LINGO2: variants seen among roughly 807,000 people sequenced by gnomAD.
LINGO2 encodes leucine-rich repeat and immunoglobulin-like domain-containing nogo receptor-interacting protein 2.
In LINGO2, 14 loss-of-function variants were observed where a neutral mutation model predicts 30.6. The ratio of observed to expected loss-of-function variants is 0.46; its 90% CI spans 0.30 to 0.72. The LOEUF (loss-of-function observed/expected upper bound fraction) is 0.72, where lower values mean the gene tolerates loss of function less well. LINGO2 is among the 30% of genes least tolerant of loss of function. The pLI is 0.07. For synonymous variants in LINGO2, 317 were observed against 288.5 expected (o/e 1.10, Z -1.00); for missense variants, 729 against 751.7 (o/e 0.97, Z 0.35).
intron 1 of LINGO2, among the ~76,000 whole-genome samples, chr9:28,565,132 T>G (rs114653127): frequency 6.6e-6 from 1 of 152,126 alleles, no homozygotes; most frequent in Non-Finnish European, 1.5e-5. Context: ...CTTCTGAAAT[T>G]TTTTTGAGTT....
chr9:28,909,811 T>C, the LINGO2 span, among the ~76,000 whole-genome samples: 1 of 152,038 alleles, frequency 6.6e-6, no homozygotes, highest in Non-Finnish European at 1.5e-5. Context: ...TTCAGGAAAG[T>C]AAGACATATA....
chr9:29,133,232 A>G, the LINGO2 span, among the ~76,000 whole-genome samples: 2 of 152,174 alleles, frequency 1.3e-5, no homozygotes, highest in East Asian at 1.9e-4. Flanking sequence ...ATGTTTAGGC[A>G]TAATAAGAAT....
Position 28,378,937 on chromosome 9 carries a change from C to T in LINGO2, c.-278-6069G>A, listed in dbSNP as rs973734409. ...TCCTATAGCTGAGTGACTGTCAGTACACAGTACATTACATTTAACATCACA... is the reference window on the plus strand; with the variant it reads ...TCCTATAGCTGAGTGACTGTCAGTATACAGTACATTACATTTAACATCACA... On this transcript the variant is annotated intron_variant, in intron 2 of 5. Coordinates refer to ENST00000379992, the Ensembl canonical transcript of LINGO2. Among the ~76,000 whole-genome samples, 10 of 152,172 alleles carry T rather than the reference C, an allele frequency of 6.6e-5. No homozygotes were observed. The East Asian group carries it at 1.9e-3, about 30-fold the overall frequency.
the LINGO2 span, among the ~76,000 whole-genome samples, chr9:28,928,218 A>C: frequency 6.6e-6 from 1 of 152,246 alleles, no homozygotes; most frequent in Middle Eastern, 3.4e-3. Flanking sequence ...TTATATCAAA[A>C]CCCTTTTATA....
chr9:29,050,138 GC>G, the LINGO2 span, among the ~76,000 whole-genome samples: 1 of 151,798 alleles, frequency 6.6e-6, no homozygotes, highest in Non-Finnish European at 1.5e-5. Context: ...CAATTCTCCC[GC>G]CTCAGCCTCA....
intron 1 of LINGO2, among the ~76,000 whole-genome samples, chr9:28,484,290 G>T (rs1369101329): frequency 6.6e-6 from 1 of 152,000 alleles, no homozygotes; most frequent in Non-Finnish European, 1.5e-5. Flanking sequence ...GGTTCTCTTA[G>T]CACCAAGAAT....
the LINGO2 span, among the ~76,000 whole-genome samples, chr9:29,141,375 G>A: frequency 2.0e-5 from 3 of 151,640 alleles, no homozygotes; most frequent in South Asian, 2.1e-4. Flanking sequence ...GATGTTTTAC[G>A]AAGCCTAATG....
the LINGO2 span, among the ~76,000 whole-genome samples, chr9:29,111,158 T>A: frequency 6.6e-6 from 1 of 152,190 alleles, no homozygotes; most frequent in African/African-American, 2.4e-5. Context: ...ATACATTTTT[T>A]AAATAAAATT....
chr9:28,064,914 G>A (rs755096326), intron 4 of LINGO2, among the ~76,000 whole-genome samples: 2 of 151,586 alleles, frequency 1.3e-5, no homozygotes, highest in Non-Finnish European at 2.9e-5. Flanking sequence ...AGAACATCTT[G>A]AAAACACAGG....
chr9:28,967,447 G>A, the LINGO2 span, among the ~76,000 whole-genome samples: 5 of 152,096 alleles, frequency 3.3e-5, no homozygotes, highest in Non-Finnish European at 7.4e-5. Flanking sequence ...AATAAACCTT[G>A]AATCATTTCT....
intron 4 of LINGO2, among the ~76,000 whole-genome samples, chr9:28,057,626 T>G (rs1051126002): frequency 6.7e-6 from 1 of 149,120 alleles, no homozygotes; most frequent in Non-Finnish European, 1.5e-5. Context: ...TACATATATA[T>G]ACACACATAT....
chr9:27,991,412 C>A (rs368208925), intron 5 of LINGO2, among the ~76,000 whole-genome samples: 1 of 152,066 alleles, frequency 6.6e-6, no homozygotes, highest in East Asian at 1.9e-4. Context: ...TCCATAAGCC[C>A]TGGCAATCTG....
the LINGO2 span, among the ~76,000 whole-genome samples, chr9:28,821,528 T>TCA: frequency 6.6e-6 from 1 of 152,210 alleles, no homozygotes; most frequent in Non-Finnish European, 1.5e-5. Context: ...TGGAACTAGA[T>TCA]GCCTCCAGCT....
chr9:28,378,591 C>A (rs1301549637), intron 2 of LINGO2, among the ~76,000 whole-genome samples: 1 of 152,132 alleles, frequency 6.6e-6, no homozygotes, highest in Non-Finnish European at 1.5e-5. Context: ...ACCATTGCTC[C>A]CTACTGACTG....
intron 4 of LINGO2, among the ~76,000 whole-genome samples, chr9:28,275,813 A>G (rs1441460094): frequency 6.6e-6 from 1 of 152,234 alleles, no homozygotes; most frequent in Non-Finnish European, 1.5e-5. Context: ...ATAGGGAATC[A>G]TAATTATTTT....
At chr9:28,092,454 C>A (rs1332843156) in intron 4 of LINGO2, among the ~76,000 whole-genome samples, 1 of 151,048 alleles carries the variant, frequency 6.6e-6, no homozygotes, top group Admixed American at 6.6e-5. Flanking sequence ...GGACAAAAAA[C>A]CAAACACCGC....
the LINGO2 span, among the ~76,000 whole-genome samples, chr9:29,022,384 G>GT: frequency 6.6e-6 from 1 of 152,246 alleles, no homozygotes; most frequent in Admixed American, 6.5e-5. Flanking sequence ...GGCTGCTTCT[G>GT]TTATTATGCC....
the LINGO2 span, among the ~76,000 whole-genome samples, chr9:28,868,599 T>C: frequency 1.3e-5 from 2 of 152,138 alleles, no homozygotes; most frequent in African/African-American, 4.8e-5. Flanking sequence ...TTTAGTTATT[T>C]GAAGAGAATA....
the LINGO2 span, among the ~76,000 whole-genome samples, chr9:28,779,052 T>C: frequency 6.6e-6 from 1 of 152,200 alleles, no homozygotes. Context: ...GTACTATTTT[T>C]ATAATATGCT....
Sources: gnomAD v4.1 joint callset for allele counts (sites outside exome capture counted in the v4.1 genomes callset) on GRCh38, gnomAD v4.1.1 for gene constraint, MANE v1.5 for transcripts, NCBI Gene and HGNC (gene_info 2026-07-23, HGNC 2026-07-21) for gene names.